The following GPATCH2L variants were observed in gnomAD, a reference collection of about 807,000 sequenced individuals.
GPATCH2L encodes G-patch domain containing 2 like, also known as G patch domain-containing protein 2-like.
A neutral mutation model predicts 57.4 loss-of-function variants in GPATCH2L; 31 were observed. That is an observed-to-expected ratio of 0.54 (90% CI 0.41 to 0.73). The LOEUF (loss-of-function observed/expected upper bound fraction) is 0.73, where lower values mean the gene tolerates loss of function less well. Among genes scored for constraint, GPATCH2L ranks in the 30% least tolerant of loss-of-function variants. The probability of loss-of-function intolerance (pLI) is 0.00; values close to 1 mark genes in which losing one functional copy is unlikely to be tolerated. For synonymous variants in GPATCH2L, 199 were observed against 210.7 expected (o/e 0.94, Z 0.48); for missense variants, 481 against 599.9 (o/e 0.80, Z 2.07).
At chr14:76,221,489 G>A (rs1208681531) in intron 1 of GPATCH2L, among the ~76,000 whole-genome samples, 1 of 152,152 alleles carries the variant, frequency 6.6e-6, no homozygotes, top group Non-Finnish European at 1.5e-5. Flanking sequence ...TAGCAATGAT[G>A]CTTCCTGGTA....
chr14:76,199,806 C>T (rs1447321135), intron 9 of GPATCH2L, among the ~76,000 whole-genome samples: 1 of 152,184 alleles, frequency 6.6e-6, no homozygotes, highest in Non-Finnish European at 1.5e-5. Context: ...TCCAGCAGTT[C>T]TGTTTCTGTG....
intron 8 of GPATCH2L, among the ~76,000 whole-genome samples, chr14:76,189,912 A>T (rs1014130549): frequency 6.6e-6 from 1 of 152,040 alleles, no homozygotes; most frequent in Non-Finnish European, 1.5e-5. Context: ...TATTCTATAT[A>T]AAAAGATGAA....
At chr14:76,160,548 T>A (rs1325951992) in intron 2 of GPATCH2L, among the ~76,000 whole-genome samples, 1 of 152,190 alleles carries the variant, frequency 6.6e-6, no homozygotes, top group Non-Finnish European at 1.5e-5. Flanking sequence ...GAGAAAAAAG[T>A]GTTCTTGAGT....
rs1405673406 is a variant in GPATCH2L at position 76,154,280 on chromosome 14, A to G, written c.-10-74A>G. The G allele has an allele frequency of 3.1e-6, 4 of 1,274,084 alleles. No homozygotes were observed. The highest frequency in any genetic ancestry group is 3.0e-5 in the South Asian group (2 of 67,210). 78.9% of individuals were successfully genotyped at this position (1,274,084 alleles called of 1,614,324 possible). A position where few individuals can be genotyped will look rare whatever the true frequency, so the allele number is the denominator to read the frequency against. On this transcript the variant is annotated intron_variant, in intron 1 of 9. Transcript: ENST00000261530. The surrounding 1 kb of genome is among the most constrained non-coding windows in gnomAD (Gnocchi z 4.4). ...TGTTTCATCAAATTATTCCAAAACA[A>G]CAGATCCTTTTTCAGGCTTTCTTTT...
chr14:76,225,995 C>A (rs2040534988), intron 1 of GPATCH2L, among the ~76,000 whole-genome samples: 1 of 152,170 alleles, frequency 6.6e-6, no homozygotes, highest in South Asian at 2.1e-4. Flanking sequence ...CGAACACTCT[C>A]ATAAACTACT....
intron 3 of GPATCH2L, among the ~76,000 whole-genome samples, 174 bp downstream of exon 3, chr14:76,166,901 G>A (rs1296160738): frequency 6.6e-6 from 1 of 152,098 alleles, no homozygotes; most frequent in Non-Finnish European, 1.5e-5. Context: ...TGAGCTCCTA[G>A]AAATCAAATA....
At chr14:76,191,664 T>G (rs1030245198) in intron 8 of GPATCH2L, among the ~76,000 whole-genome samples, 1 of 152,156 alleles carries the variant, frequency 6.6e-6, no homozygotes, top group Non-Finnish European at 1.5e-5. Context: ...TTTAAAAAAC[T>G]GACACATAAT....
downstream of GPATCH2L, among the ~76,000 whole-genome samples, chr14:76,216,414 G>A (rs1381109683): frequency 2.0e-5 from 3 of 152,226 alleles, no homozygotes; most frequent in East Asian, 5.8e-4. Context: ...TCTCTCTGGA[G>A]GAATGAGCCT....
rs1460542015 is a variant in GPATCH2L, at chr14:76,203,238, G to C, written c.*1387G>C. 6.6e-6 allele frequency: 1 copy of C among 152,196 alleles called. No homozygotes were observed. Among genetic ancestry groups the C allele is most frequent in the African/African-American group, 2.4e-5 (1 of 41,448 alleles). 9.4% of individuals were successfully genotyped at this position (152,196 alleles called of 1,614,324 possible). On this transcript the variant is annotated 3_prime_UTR_variant, in exon 10 of 10. Transcript: ENST00000261530. ...AAACTCCAGATTTCTTTATCAAAGG[G>C]AGGTGGGTGGGCATGAATCTAGTTG... is the stretch of plus-strand genomic sequence containing the variant.
intron 8 of GPATCH2L, among the ~76,000 whole-genome samples, chr14:76,182,585 C>CAAAAAAAA (rs66602777): frequency 7.1e-5 from 6 of 84,808 alleles, no homozygotes; most frequent in Admixed American, 1.4e-4. Context: ...GACCCTGTCT[C>CAAAAAAAA]AAAAAAAAAA....
At chr14:76,158,819 A>G (rs909211442) in intron 2 of GPATCH2L, among the ~76,000 whole-genome samples, 1 of 152,216 alleles carries the variant, frequency 6.6e-6, no homozygotes, top group Admixed American at 6.5e-5. Flanking sequence ...TTCTGCTAGT[A>G]TCCTTAGGGA....
intron 3 of GPATCH2L, 83 bp from the exon 4 acceptor site, chr14:76,171,760 G>A: frequency 2.6e-6 from 2 of 780,764 alleles, no homozygotes; most frequent in South Asian, 2.1e-5. Context: ...TCAAAACTAT[G>A]GCACTAAGAA....
chr14:76,215,291 A>G (rs936807045), downstream of GPATCH2L, among the ~76,000 whole-genome samples: 1 of 152,020 alleles, frequency 6.6e-6, no homozygotes, highest in African/African-American at 2.4e-5. Flanking sequence ...GATGTGGAGA[A>G]ATAGGAACAC....
At chr14:76,220,995 T>A (rs140160481) in intron 1 of GPATCH2L, among the ~76,000 whole-genome samples, 1 of 151,626 alleles carries the variant, frequency 6.6e-6, no homozygotes, top group African/African-American at 2.4e-5. Flanking sequence ...CAGAGATTGG[T>A]TCTCTGAAAA....
chr14:76,162,857 T>C (rs1325482390), intron 2 of GPATCH2L, among the ~76,000 whole-genome samples: 1 of 152,194 alleles, frequency 6.6e-6, no homozygotes, highest in Non-Finnish European at 1.5e-5. Flanking sequence ...TAATTAGTTT[T>C]CTTAGGGTTC....
At chr14:76,158,242 C>G (rs2038402928) in intron 2 of GPATCH2L, among the ~76,000 whole-genome samples, 1 of 152,170 alleles carries the variant, frequency 6.6e-6, no homozygotes, top group Non-Finnish European at 1.5e-5. Flanking sequence ...ATTCTCCTCT[C>G]TTGGAAGGCA....
chr14:76,166,606 A>G, intron 2 of GPATCH2L, 57 bp from the exon 3 acceptor site: 2 of 1,150,738 alleles, frequency 1.7e-6, no homozygotes, highest in South Asian at 2.5e-5. Context: ...ATAAGTGTAC[A>G]GTGCTTTGTT....
chr14:76,218,500 G>A (rs1268745318), downstream of GPATCH2L, among the ~76,000 whole-genome samples: 2 of 152,006 alleles, frequency 1.3e-5, no homozygotes, highest in Non-Finnish European at 2.9e-5. Flanking sequence ...ATGTTAAAAT[G>A]CTAATGAGAG....
At chr14:76,215,657 A>G (rs1017262608), downstream of GPATCH2L, among the ~76,000 whole-genome samples, 1 of 151,116 alleles carries the variant, frequency 6.6e-6, no homozygotes, top group African/African-American at 2.4e-5. Flanking sequence ...TCAGTAAACT[A>G]TCGCAAGAAC....
Sources: allele counts gnomAD v4.1 joint callset (sites outside exome capture counted in the v4.1 genomes callset), GRCh38; gene constraint gnomAD v4.1.1; non-coding constraint Gnocchi (gnomAD v3.1); transcripts MANE v1.5; gene names NCBI Gene and HGNC (gene_info 2026-07-23, HGNC 2026-07-21).